The following MLPH variants were observed in gnomAD, a reference collection of about 807,000 sequenced individuals.
MLPH encodes the protein exophilin-3.
MLPH carries 51 observed loss-of-function variants against 72.1 expected under a neutral mutation model. The observed-to-expected ratio is 0.71, with a 90% CI of 0.56 to 0.89. The LOEUF is 0.89. Ranked by LOEUF, MLPH falls within the 40% of genes least tolerant of loss-of-function variation. The pLI, the probability that MLPH is intolerant of heterozygous loss-of-function variation, is 0.00. For missense variants in MLPH, 743 were observed against 759.9 expected (o/e 0.98, Z 0.26); for synonymous variants, 301 against 310.1 (o/e 0.97, Z 0.31).
At chr2:237,514,676 C>G (rs975087982) in intron 4 of MLPH, among the ~76,000 whole-genome samples, 17 of 152,202 alleles carry the variant, frequency 1.1e-4, no homozygotes, top group African/African-American at 4.1e-4. Context: ...GCCAGCCAGG[C>G]AGGCATCCGC....
chr2:237,529,042 G>GTAT (rs889901163), intron 8 of MLPH, among the ~76,000 whole-genome samples: 10 of 152,044 alleles, frequency 6.6e-5, no homozygotes, highest in African/African-American at 2.4e-4. Flanking sequence ...TTAGCAGGCT[G>GTAT]TATTATTATT....
At chr2:237,535,831 A>T (rs2080519598) in intron 9 of MLPH, among the ~76,000 whole-genome samples, 1 of 152,204 alleles carries the variant, frequency 6.6e-6, no homozygotes. Flanking sequence ...GCAATTCACT[A>T]GGTTACAGCT....
chr2:237,496,416 AC>A (rs1469575825), intron 2 of MLPH, among the ~76,000 whole-genome samples: 2 of 151,618 alleles, frequency 1.3e-5, no homozygotes, highest in African/African-American at 4.9e-5. Flanking sequence ...TCTGTGGCTC[AC>A]CCCCTTCTGA....
intron 7 of MLPH, among the ~76,000 whole-genome samples, chr2:237,526,611 C>T (rs2080310445): frequency 6.6e-6 from 1 of 152,162 alleles, no homozygotes; most frequent in African/African-American, 2.4e-5. Flanking sequence ...TCTCAAGTCC[C>T]CTGAGCACGT....
At chr2:237,497,983 G>A (rs1486390259) in intron 2 of MLPH, among the ~76,000 whole-genome samples, 1 of 152,214 alleles carries the variant, frequency 6.6e-6, no homozygotes, top group Non-Finnish European at 1.5e-5. Context: ...TTTCCCATGT[G>A]TCTCACAAAC....
Position 237,520,022 on chromosome 2 carries a change from G to A in MLPH, c.668G>A (p.Ser223Asn), listed in dbSNP as rs2106324028. The change falls in exon 6 of 16, where the codon AGC becomes AAC. Residue 223 changes from serine to asparagine, a missense_variant. Physicochemically the swap from Ser to Asn is conservative, Grantham distance 46. Transcript: ENST00000264605. ...TCCTCAGTCCCTGAGGCCAGGGACA[G>A]CCCACAGGTCAGTGGGTCCTCGTGT... ...HLSSVPEARD[S>N]PQSLTDESCS... 6.2e-7 allele frequency: 1 copy of A among 1,613,930 alleles called. No homozygotes were observed. The highest frequency in any genetic ancestry group is 2.2e-5 in the East Asian group (1 of 44,858).
chr2:237,493,496 C>A lies in MLPH; in HGVS notation c.70C>A (p.Arg24=). 6.2e-7 allele frequency: 1 copy of A among 1,614,012 alleles called. No homozygotes were observed. Among genetic ancestry groups the A allele is most frequent in the Non-Finnish European group, 8.5e-7 (1 of 1,179,922 alleles). Residue 24 remains arginine, a synonymous_variant, in exon 2 of 16, where the codon CGA becomes AGA. Coordinates refer to ENST00000264605, the MANE Select transcript of MLPH (RefSeq NM_024101.7). ...CCAGCATGTCTTGGAAGTTGTTCAA[C>A]GAGATTTTGACCTCCGAAGGAAAGA... The part of the protein sequence containing the change: ...EAQHVLEVVQ[R]DFDLRRKEEE...
At chr2:237,539,219 G>A (rs1415620250) in intron 9 of MLPH, among the ~76,000 whole-genome samples, 4 of 152,180 alleles carry the variant, frequency 2.6e-5, no homozygotes, top group Admixed American at 2.6e-4. Flanking sequence ...CTGAGAACAG[G>A]TTGTGGAGGT....
intron 4 of MLPH, 141 bp downstream of exon 4, chr2:237,511,242 C>T: frequency 4.4e-5 from 29 of 652,156 alleles, no homozygotes; most frequent in Non-Finnish European, 5.5e-5. Context: ...GCACATGCCT[C>T]TCTGTGAATT....
chr2:237,516,616 G>T (rs375324233), intron 4 of MLPH, among the ~76,000 whole-genome samples: 4 of 152,232 alleles, frequency 2.6e-5, no homozygotes, highest in African/African-American at 7.2e-5. Context: ...ACATTGATTG[G>T]TAACATTGGC....
Position 237,553,700 on chromosome 2 carries a change from A to G in MLPH, c.*108A>G, listed in dbSNP as rs750174283. ...TCCACTATACACAGTCACCGTCCCAATGAGAAACAAGAAGGAGCACCCTCC... is the reference window on the plus strand; with the variant it reads ...TCCACTATACACAGTCACCGTCCCAGTGAGAAACAAGAAGGAGCACCCTCC... On this transcript the variant is annotated 3_prime_UTR_variant, in exon 16 of 16. Coordinates refer to ENST00000264605, the MANE Select transcript of MLPH (RefSeq NM_024101.7). 3.3e-6 allele frequency: 5 copies of G among 1,494,396 alleles called. No individual in the cohort carries two copies. The highest frequency in any genetic ancestry group is 2.3e-5 in the East Asian group (1 of 44,332). The allele number at this position is 1,494,396 out of a possible 1,614,324, so 92.6% of individuals were successfully genotyped here.
intron 2 of MLPH, among the ~76,000 whole-genome samples, chr2:237,500,786 C>G (rs1394270952): frequency 6.6e-6 from 1 of 152,114 alleles, no homozygotes; most frequent in Non-Finnish European, 1.5e-5. Flanking sequence ...CCCCACACCC[C>G]ACACTCAGCC....
In MLPH at chr2:237,527,421, G is replaced by C. The variant is rs747284515; in HGVS notation, c.925G>C (p.Ala309Pro). ...TGAGCAGCTGCCCCTGCAGTACTTG[G>C]CCGATGTGGACACCTCTGATGAGGA... ...RNEQLPLQYLADVDTSDEESI... is the reference protein window; with the variant it reads ...RNEQLPLQYLPDVDTSDEESI... The change falls in exon 8 of 16, where the codon GCC becomes CCC. Residue 309 changes from alanine (A) to proline (P), a missense_variant. Ala to Pro is a conservative substitution (Grantham distance 27). Coordinates refer to ENST00000264605, the MANE Select transcript of MLPH (RefSeq NM_024101.7). The C allele has an allele frequency of 1.2e-6, 2 of 1,614,190 alleles. No homozygotes were observed. The highest frequency in any genetic ancestry group is 1.1e-5 in the South Asian group (1 of 91,084).
At chr2:237,495,210 T>C (rs1255633859) in intron 2 of MLPH, among the ~76,000 whole-genome samples, 1 of 152,140 alleles carries the variant, frequency 6.6e-6, no homozygotes, top group Non-Finnish European at 1.5e-5. Context: ...CTTTCCCCTA[T>C]GAGGAGAAAT....
At position 237,554,573 on chromosome 2, in the gene MLPH, C is replaced by A. The variant is rs2081095148; in HGVS notation, c.*981C>A. 1 of 152,458 alleles carries A rather than the reference C, an allele frequency of 6.6e-6. No homozygotes were observed. Among genetic ancestry groups the A allele is most frequent in the African/African-American group, 2.4e-5 (1 of 41,444 alleles). The allele number at this position is 152,458 out of a possible 1,614,324, so 9.4% of individuals were successfully genotyped here. A position where few individuals can be genotyped will look rare whatever the true frequency, so the allele number is the denominator to read the frequency against. The stretch of plus-strand genomic sequence containing the variant: ...AGCCCTCCAAGACTCTCCAGAGCTG[C>A]CTTTGAACATCCTAACAGTAATCAC... On this transcript the variant is annotated 3_prime_UTR_variant, in exon 16 of 16. Transcript: ENST00000264605.
chr2:237,500,845 AG>A (rs1210273865), intron 2 of MLPH, among the ~76,000 whole-genome samples: 16 of 152,048 alleles, frequency 1.1e-4, no homozygotes, highest in African/African-American at 2.9e-4. Context: ...CCTCAATGCC[AG>A]CCTCAGGTCA....
Position 237,540,955 on chromosome 2 carries a change from G to C in MLPH, c.1444G>C (p.Glu482Gln). Residue 482 changes from glutamate (E) to glutamine (Q), a missense_variant and splice_region_variant, in exon 11 of 16, where the codon GAG becomes CAG. Glu to Gln is a conservative substitution (Grantham distance 29). Transcript: ENST00000264605. ...CTCAGAAGTCCAGCAGGCAGAGAGC[G>C]AGGTAGCCCAGAAGGCACAGGGGAG... ...TASEVQQAES[E>Q]VSDIESRIAA... 4 of 1,602,914 alleles carry C rather than the reference G, an allele frequency of 2.5e-6. No individual in the cohort carries two copies. The highest frequency in any genetic ancestry group is 3.4e-6 in the Non-Finnish European group (4 of 1,175,530).
intron 11 of MLPH, 31 bp from the exon 12 acceptor site, chr2:237,542,536 G>A: frequency 6.5e-7 from 1 of 1,547,056 alleles, no homozygotes. Context: ...GCGTCTGTCT[G>A]ACGGGCCTTC....
chr2:237,501,664 T>C lies in MLPH; in HGVS notation c.110+8128T>C, dbSNP rs2011742. On this transcript the variant is annotated intron_variant, in intron 2 of 15. Coordinates refer to ENST00000264605, the MANE Select transcript of MLPH (RefSeq NM_024101.7). ...TAACATAGTGAAACCACGTCTCTAC[T>C]AAAAAAAAAAAAAAAAAAAAAAAAA... Among the ~76,000 whole-genome samples, 418 of 63,354 alleles carry C rather than the reference T, an allele frequency of 6.6e-3. 3 individuals carry two copies. The highest frequency in any genetic ancestry group is 0.04 in the African/African-American group (355 of 8,956). The allele number at this position is 63,354 out of a possible 152,430, so 41.6% of individuals were successfully genotyped here. A position where few individuals can be genotyped will look rare whatever the true frequency, so the allele number is the denominator to read the frequency against.
Sources: gnomAD v4.1 joint callset for allele counts (sites outside exome capture counted in the v4.1 genomes callset) on GRCh38, gnomAD v4.1.1 for gene constraint, MANE v1.5 for transcripts, NCBI Gene and HGNC (gene_info 2026-07-23, HGNC 2026-07-21) for gene names.